The following SH3RF1 variants were observed in gnomAD, a reference collection of about 807,000 sequenced individuals.
SH3RF1 encodes E3 ubiquitin-protein ligase SH3RF1.
In SH3RF1, 32 loss-of-function variants were observed where a neutral mutation model predicts 74.0. The observed-to-expected ratio is 0.43, with a 90% CI of 0.33 to 0.58. The LOEUF (loss-of-function observed/expected upper bound fraction) is 0.58, where lower values mean the gene tolerates loss of function less well. Ranked by LOEUF, SH3RF1 falls within the 20% of genes least tolerant of loss-of-function variation. SH3RF1 has a pLI of 0.05. For missense variants in SH3RF1, 954 were observed against 1,130.9 expected (o/e 0.84, Z 2.24); for synonymous variants, 396 against 439.6 (o/e 0.90, Z 1.24).
At chr4:169,267,236 A>C (rs988760851) in intron 2 of SH3RF1, among the ~76,000 whole-genome samples, 1 of 152,236 alleles carries the variant, frequency 6.6e-6, no homozygotes, top group Non-Finnish European at 1.5e-5. Context: ...GTGAACAAAC[A>C]TTCAATGCAT....
chr4:169,233,175 G>A (rs1436588844), intron 2 of SH3RF1, among the ~76,000 whole-genome samples: 1 of 145,994 alleles, frequency 6.8e-6, no homozygotes, highest in African/African-American at 2.5e-5. Context: ...CTTGAACCCA[G>A]GAGGCAGAGG....
intron 2 of SH3RF1, among the ~76,000 whole-genome samples, chr4:169,163,278 C>A (rs532290801): frequency 1.3e-5 from 2 of 149,810 alleles, no homozygotes; most frequent in Non-Finnish European, 3.0e-5. Context: ...AATTTCAAAA[C>A]GAAAAAATGC....
chr4:169,181,308 G>C (rs891010280), intron 2 of SH3RF1, among the ~76,000 whole-genome samples: 1 of 144,746 alleles, frequency 6.9e-6, no homozygotes, highest in African/African-American at 2.6e-5. Flanking sequence ...TGTTGCCCAG[G>C]CTGGAGTGCA....
At chr4:169,167,447 C>G (rs1188547036) in intron 2 of SH3RF1, among the ~76,000 whole-genome samples, 1 of 152,042 alleles carries the variant, frequency 6.6e-6, no homozygotes, top group Non-Finnish European at 1.5e-5. Flanking sequence ...TAGGTATTAA[C>G]CCAAGATAAA....
chr4:169,229,622 C>A (rs1401018969), intron 2 of SH3RF1, among the ~76,000 whole-genome samples: 2 of 152,050 alleles, frequency 1.3e-5, no homozygotes, highest in African/African-American at 4.8e-5. Context: ...TCCTAACATC[C>A]CTATAAATAA....
At chr4:169,203,269 G>T (rs534949566) in intron 2 of SH3RF1, among the ~76,000 whole-genome samples, 2 of 152,260 alleles carry the variant, frequency 1.3e-5, no homozygotes, top group South Asian at 4.1e-4. Context: ...TCCCAGAACT[G>T]GCCAAGCACG....
At chr4:169,219,636 T>C (rs1730529720) in intron 2 of SH3RF1, among the ~76,000 whole-genome samples, 1 of 152,202 alleles carries the variant, frequency 6.6e-6, no homozygotes, top group Non-Finnish European at 1.5e-5. Context: ...TGTTTTGTAT[T>C]TCCTTCAGGC....
chr4:169,170,981 C>G (rs1734319005), intron 2 of SH3RF1, among the ~76,000 whole-genome samples: 1 of 152,190 alleles, frequency 6.6e-6, no homozygotes, highest in Non-Finnish European at 1.5e-5. Context: ...TTTTCCTGAA[C>G]TAAAAACACT....
intron 2 of SH3RF1, chr4:169,220,236 T>C (rs1320107438): frequency 6.6e-6 from 1 of 152,234 alleles, no homozygotes; most frequent in Non-Finnish European, 1.5e-5. Flanking sequence ...ATGTATTTCC[T>C]TCTTTTCTAT....
chr4:169,131,021 A>T (rs1043997648), intron 5 of SH3RF1, among the ~76,000 whole-genome samples: 2 of 152,166 alleles, frequency 1.3e-5, no homozygotes, highest in African/African-American at 4.8e-5. Flanking sequence ...CCCACCCAAA[A>T]TGCTAGGTTT....
chr4:169,180,930 C>A (rs2660398), intron 2 of SH3RF1, among the ~76,000 whole-genome samples: 2 of 152,074 alleles, frequency 1.3e-5, no homozygotes, highest in South Asian at 2.1e-4. Context: ...ACTAGCCGGA[C>A]GAAGGGTTTG....
At chr4:169,263,015 T>A (rs1731304205) in intron 2 of SH3RF1, among the ~76,000 whole-genome samples, 1 of 152,156 alleles carries the variant, frequency 6.6e-6, no homozygotes, top group African/African-American at 2.4e-5. Context: ...AACCCACCTT[T>A]TCCGTTTTAA....
rs773643751 is a variant in SH3RF1, at chr4:169,268,670, A to G, written c.393+150T>C. On this transcript the variant is annotated intron_variant, in intron 2 of 11. Transcript: ENST00000284637. ...ATCCAATCTCATTCCAAGATGGGGG[A>G]AAAAAATATTCAGAGGTATAATCTA... 273 of 748,408 alleles carry G rather than the reference A, an allele frequency of 3.6e-4. 1 individual carries two copies. The highest frequency in any genetic ancestry group is 4.8e-4 in the Non-Finnish European group (245 of 507,002). The allele number at this position is 748,408 out of a possible 1,614,324, so 46.4% of individuals were successfully genotyped here.
At chr4:169,128,272 G>C (rs1379352603) in intron 6 of SH3RF1, among the ~76,000 whole-genome samples, 1 of 152,132 alleles carries the variant, frequency 6.6e-6, no homozygotes, top group East Asian at 1.9e-4. Flanking sequence ...GTTGGCTCTG[G>C]TCAAATATCC....
rs1337547474 is a variant in SH3RF1 at position 169,116,646 on chromosome 4, A to C, written c.1778-16T>G. Reference sequence around the variant, plus strand: ...TGCGCTGCAACTAGTAGATGGGAAGAGGGAACACAGCAAAATTCAACTATC... The same window carrying C: ...TGCGCTGCAACTAGTAGATGGGAAGCGGGAACACAGCAAAATTCAACTATC... On this transcript the variant is annotated splice_polypyrimidine_tract_variant and intron_variant, in intron 9 of 11. Transcript: ENST00000284637. 1.3e-6 allele frequency: 2 copies of C among 1,518,106 alleles called. No homozygotes were observed. The highest frequency in any genetic ancestry group is 1.8e-6 in the Non-Finnish European group (2 of 1,131,074). The allele number at this position is 1,518,106 out of a possible 1,614,324, so 94.0% of individuals were successfully genotyped here. A position where few individuals can be genotyped will look rare whatever the true frequency, so the allele number is the denominator to read the frequency against.
rs112567672 is a variant in SH3RF1, at chr4:169,267,751, C to T, written c.393+1069G>A. On this transcript the variant is annotated intron_variant, in intron 2 of 11. Coordinates refer to ENST00000284637, the MANE Select transcript of SH3RF1 (RefSeq NM_020870.4). Reference sequence around the variant, plus strand: ...TAAAACTGCCTGGTATCCACATCTGCGAATTATGGGAACTAATGCTATCCC... The same window carrying T: ...TAAAACTGCCTGGTATCCACATCTGTGAATTATGGGAACTAATGCTATCCC... 4.6e-5 allele frequency among the ~76,000 whole-genome samples: 7 copies of T among 152,164 alleles called. No individual in the cohort carries two copies. The South Asian group carries it at 6.2e-4, about 14-fold the overall frequency.
At chr4:169,200,753 CCAATCACAGAT>C (rs1734894056) in intron 2 of SH3RF1, among the ~76,000 whole-genome samples, 4 of 152,112 alleles carry the variant, frequency 2.6e-5, no homozygotes, top group African/African-American at 9.7e-5. Context: ...TCTTCTCTTC[CCAATCACAGAT>C]TAGGAAGATA....
Position 169,237,871 on chromosome 4 carries a change from TC to T in SH3RF1, c.393+30948del, listed in dbSNP as rs373949565. Among the ~76,000 whole-genome samples, 8 of 151,822 alleles carry T rather than the reference TC, an allele frequency of 5.3e-5. 1 individual carries two copies. In the South Asian group the frequency reaches 6.3e-4, roughly 12 times the overall value. The stretch of plus-strand genomic sequence containing the variant: ...AATCCTGCTAAATCAATTTATGATT[TC>T]CCCCCCGCTCCACACCCTTGAAATC... On this transcript the variant is annotated intron_variant, in intron 2 of 11. Coordinates refer to ENST00000284637, the MANE Select transcript of SH3RF1 (RefSeq NM_020870.4).
chr4:169,197,037 A>T (rs1028055478), intron 2 of SH3RF1, among the ~76,000 whole-genome samples: 3 of 151,886 alleles, frequency 2.0e-5, no homozygotes, highest in Non-Finnish European at 4.4e-5. Context: ...ACATTGTCTC[A>T]CTCTTTCATC....
Sources: gnomAD v4.1 joint callset for allele counts (sites outside exome capture counted in the v4.1 genomes callset) on GRCh38, gnomAD v4.1.1 for gene constraint, MANE v1.5 for transcripts, NCBI Gene and HGNC (gene_info 2026-07-23, HGNC 2026-07-21) for gene names.